CREB1: variants seen among roughly 807,000 people sequenced by gnomAD.
The protein encoded by CREB1 is cAMP responsive element binding protein 1.
Under a neutral mutation model 42.0 loss-of-function variants are expected in CREB1, and 2 were observed. That is an observed-to-expected ratio of 0.05 (90% confidence interval 0.02 to 0.15). The LOEUF (loss-of-function observed/expected upper bound fraction) is 0.15. Among genes scored for constraint, CREB1 ranks in the 10% least tolerant of loss-of-function variants. CREB1 has a pLI of 1.00. For missense variants in CREB1, 199 were observed against 388.9 expected, an observed-to-expected ratio of 0.51 and a Z score of 4.11; for synonymous variants, 123 against 139.9, an observed-to-expected ratio of 0.88 and a Z score of 0.85.
intron 2 of CREB1, among the ~76,000 whole-genome samples, chr2:207,556,004 T>C (rs1335022684): frequency 6.6e-6 from 1 of 152,176 alleles, no homozygotes; most frequent in African/African-American, 2.4e-5. Flanking sequence ...TTTAAACTTA[T>C]GGGTAAATGG....
rs1347146259 is a variant in CREB1 at position 207,604,648 on chromosome 2, T to C, written c.*7590T>C. On this transcript the variant is annotated 3_prime_UTR_variant, in exon 8 of 8. Coordinates refer to ENST00000353267, the MANE Select transcript of CREB1 (RefSeq NM_004379.5). ...ACTTTTTAAGTGAACAATTAAGTGG[T>C]AGTACATCCACAATGGTGTACAACC... 1.3e-5 allele frequency among the ~76,000 whole-genome samples: 2 copies of C among 152,162 alleles called. No individual in the cohort carries two copies. Among genetic ancestry groups the C allele is most frequent in the African/African-American group, 4.8e-5 (2 of 41,408 alleles).
At chr2:207,591,262 T>G (rs2084975205) in intron 7 of CREB1, among the ~76,000 whole-genome samples, 1 of 152,352 alleles carries the variant, frequency 6.6e-6, no homozygotes. Flanking sequence ...TTCAGTTCTA[T>G]TAGCTTTTGC....
At chr2:207,559,632 T>C (rs2081877694) in intron 2 of CREB1, among the ~76,000 whole-genome samples, 1 of 152,228 alleles carries the variant, frequency 6.6e-6, no homozygotes, top group African/African-American at 2.4e-5. Context: ...AGGACCCTTT[T>C]AACCTGGGTA....
chr2:207,555,884 C>T (rs2106455919), intron 2 of CREB1, 135 bp downstream of exon 2: 1 of 586,058 alleles, frequency 1.7e-6, no homozygotes. Flanking sequence ...TTCCTATTTA[C>T]TTAGTATTAG....
rs576332570 is a variant in CREB1, at chr2:207,602,571, A to G, written c.*5513A>G. The G allele has an allele frequency of 1.4e-5, 3 of 211,734 alleles. No individual in the cohort carries two copies. Among genetic ancestry groups the G allele is most frequent in the Non-Finnish European group, 2.9e-5 (3 of 104,414 alleles). 13.1% of individuals were successfully genotyped at this position (211,734 alleles called of 1,614,324 possible). On this transcript the variant is annotated 3_prime_UTR_variant, in exon 8 of 8. Coordinates refer to ENST00000353267, the MANE Select transcript of CREB1 (RefSeq NM_004379.5). ...TGAGAGTAAATCTGAGTTAGCTTAA[A>G]AATTGGTAGGGAGGAAGAAAATCTC...
chr2:207,571,791 C>T, intron 5 of CREB1: 1 of 449,090 alleles, frequency 2.2e-6, no homozygotes, highest in Non-Finnish European at 4.5e-6. Context: ...TACAGAGATT[C>T]TCACTTGAAC....
Position 207,569,619 on chromosome 2 carries a change from T to C in CREB1, c.363-560T>C, listed in dbSNP as rs146826669. Among the ~76,000 whole-genome samples, 93 of 152,284 alleles carry C rather than the reference T, an allele frequency of 6.1e-4. 1 individual carries two copies. The highest frequency in any genetic ancestry group is 2.1e-3 in the African/African-American group (89 of 41,550). ...TAGTCAGTCTTATTATTACCCTTAA[T>C]TGCACCCTTCCTTACATTGAGGTTA... On this transcript the variant is annotated intron_variant, in intron 4 of 7. Coordinates refer to ENST00000353267, the MANE Select transcript of CREB1 (RefSeq NM_004379.5).
chr2:207,554,291 A>T (rs2081630061), intron 1 of CREB1, among the ~76,000 whole-genome samples: 1 of 152,136 alleles, frequency 6.6e-6, no homozygotes. Flanking sequence ...GAACCTTATG[A>T]GTGATAGCAA....
chr2:207,556,378 T>TA (rs2081723228), intron 2 of CREB1, among the ~76,000 whole-genome samples: 1 of 152,240 alleles, frequency 6.6e-6, no homozygotes, highest in African/African-American at 2.4e-5. Flanking sequence ...GAAAGGTGGT[T>TA]AACTTAAAAA....
At chr2:207,588,739 T>G (rs61389549) in intron 7 of CREB1, among the ~76,000 whole-genome samples, 13,666 of 148,472 alleles carry the variant, frequency 0.092, 687 homozygotes, top group Non-Finnish European at 0.1. Context: ...TTTTTTTTTT[T>G]TTTGTGTGTG....
chr2:207,573,865 GGT>G (rs1413690254), intron 5 of CREB1, among the ~76,000 whole-genome samples: 1 of 152,188 alleles, frequency 6.6e-6, no homozygotes, highest in African/African-American at 2.4e-5. Flanking sequence ...AGAAGAAAGT[GGT>G]ATGTTAAATA....
rs965016489 is a variant in CREB1 at position 207,601,621 on chromosome 2, A to G, written c.*4563A>G. 1.9e-5 allele frequency: 4 copies of G among 209,410 alleles called. No homozygotes were observed. The highest frequency in any genetic ancestry group is 3.9e-5 in the Non-Finnish European group (4 of 103,062). The allele number at this position is 209,410 out of a possible 1,614,324, so 13.0% of individuals were successfully genotyped here. ...AATACTGTACATAGTATGCCAAAAT[A>G]TCCATTAATTTGTCTAGAATAGTAC... On this transcript the variant is annotated 3_prime_UTR_variant, in exon 8 of 8. Transcript: ENST00000353267.
In CREB1 at chr2:207,604,503, C is replaced by T. The variant is rs1015627658; in HGVS notation, c.*7445C>T. Reference sequence around the variant, plus strand: ...AATTTCTCCACATCTTTCTTAAGTGCAGTGACCAAACCGGATGAGAATTCT... The same window carrying T: ...AATTTCTCCACATCTTTCTTAAGTGTAGTGACCAAACCGGATGAGAATTCT... On this transcript the variant is annotated 3_prime_UTR_variant, in exon 8 of 8. Coordinates refer to ENST00000353267, the MANE Select transcript of CREB1 (RefSeq NM_004379.5). Among the ~76,000 whole-genome samples, 9 of 152,052 alleles carry T rather than the reference C, an allele frequency of 5.9e-5. No homozygotes were observed. Among genetic ancestry groups the T allele is most frequent in the African/African-American group, 1.4e-4 (6 of 41,394 alleles).
intron 1 of CREB1, among the ~76,000 whole-genome samples, chr2:207,540,219 C>T (rs1332959399): frequency 6.6e-6 from 1 of 152,212 alleles, no homozygotes; most frequent in Non-Finnish European, 1.5e-5. Context: ...GAGATGACAG[C>T]TCCATGCATG....
chr2:207,571,727 A>G (rs1289092804), intron 5 of CREB1: 2 of 455,026 alleles, frequency 4.4e-6, no homozygotes, highest in South Asian at 1.6e-5. Flanking sequence ...TTTTTCTTCT[A>G]CTTCAGCATA....
At chr2:207,577,187 TCATC>T in intron 6 of CREB1, 1 of 1,086,460 alleles carries the variant, frequency 9.2e-7, no homozygotes, top group Non-Finnish European at 1.1e-6. Flanking sequence ...TCTAGGAAGA[TCATC>T]CAAGCTGTGC....
intron 5 of CREB1, among the ~76,000 whole-genome samples, chr2:207,573,049 T>C (rs2082433341): frequency 6.6e-6 from 1 of 152,212 alleles, no homozygotes; most frequent in Non-Finnish European, 1.5e-5. Context: ...AATTTTTTTG[T>C]TTCAGTAAAT....
chr2:207,532,316 C>T (rs1266145407), intron 1 of CREB1, among the ~76,000 whole-genome samples: 2 of 149,504 alleles, frequency 1.3e-5, no homozygotes, highest in African/African-American at 2.5e-5. Context: ...AGCAAGACTC[C>T]GTCTCAAAGA....
chr2:207,572,055 G>T (rs2082386644), intron 5 of CREB1, among the ~76,000 whole-genome samples: 1 of 151,940 alleles, frequency 6.6e-6, no homozygotes, highest in African/African-American at 2.4e-5. Context: ...GTGAAACCCT[G>T]CCTCCACTAA....
Sources: allele counts gnomAD v4.1 joint callset (sites outside exome capture counted in the v4.1 genomes callset), GRCh38; gene constraint gnomAD v4.1.1; transcripts MANE v1.5; gene names NCBI Gene and HGNC (gene_info 2026-07-23, HGNC 2026-07-21).